Variants in SPAG16 observed in about 807,000 individuals in gnomAD.
SPAG16 encodes sperm associated antigen 16.
Under a neutral mutation model 80.4 loss-of-function variants are expected in SPAG16, and 86 were observed. That is an observed-to-expected ratio of 1.07 (90% CI 0.90 to 1.28). SPAG16 has a LOEUF of 1.28. Ranked by LOEUF, SPAG16 falls within the 50% of genes most tolerant of loss-of-function variation. SPAG16 has a pLI of 0.00. For missense variants in SPAG16, 870 were observed against 765.3 expected (o/e 1.14, Z -1.61); for synonymous variants, 294 against 265.9 (o/e 1.11, Z -1.03).
chr2:213,796,701 A>G (rs1257172433), intron 10 of SPAG16, among the ~76,000 whole-genome samples: 1 of 152,200 alleles, frequency 6.6e-6, no homozygotes, highest in African/African-American at 2.4e-5. Context: ...CTGCACTTCT[A>G]ATCATAAAAA....
chr2:213,646,017 T>TTTCTG, intron 10 of SPAG16, among the ~76,000 whole-genome samples: 1 of 152,252 alleles, frequency 6.6e-6, no homozygotes, highest in South Asian at 2.1e-4. Flanking sequence ...TCAGTTTTCT[T>TTTCTG]TTCTGTTCTA....
chr2:214,404,599 A>G (rs902609979), intron 15 of SPAG16, among the ~76,000 whole-genome samples: 1 of 152,168 alleles, frequency 6.6e-6, no homozygotes, highest in Admixed American at 6.6e-5. Flanking sequence ...TAGTGTCTTT[A>G]AAAAAAGGAT....
At chr2:214,188,462 C>T (rs2057549599) in intron 15 of SPAG16, among the ~76,000 whole-genome samples, 1 of 152,172 alleles carries the variant, frequency 6.6e-6, no homozygotes, top group African/African-American at 2.4e-5. Flanking sequence ...ATTCTTCAAA[C>T]CATAAATTAA....
chr2:214,385,701 G>A (rs1021272172), intron 15 of SPAG16, among the ~76,000 whole-genome samples: 15 of 152,080 alleles, frequency 9.9e-5, no homozygotes, highest in Non-Finnish European at 1.9e-4. Flanking sequence ...AAAATTAGCC[G>A]GGTGTGGTGG....
intron 15 of SPAG16, among the ~76,000 whole-genome samples, chr2:214,355,453 C>A (rs1698718765): frequency 6.9e-6 from 1 of 144,716 alleles, no homozygotes; most frequent in African/African-American, 2.5e-5. Context: ...CAGAGAAATG[C>A]AAATCAAAAC....
At chr2:213,894,987 C>CAAAAAAAAAAAA (rs71063793) in intron 11 of SPAG16, among the ~76,000 whole-genome samples, 1 of 49,304 alleles carries the variant, frequency 2.0e-5, no homozygotes, top group African/African-American at 1.2e-4. Context: ...GGCTCCATCT[C>CAAAAAAAAAAAA]AAAAAAAAAA....
At chr2:213,851,214 T>G (rs2074887940) in intron 10 of SPAG16, among the ~76,000 whole-genome samples, 1 of 152,152 alleles carries the variant, frequency 6.6e-6, no homozygotes, top group Non-Finnish European at 1.5e-5. Flanking sequence ...TTGGGTTGAA[T>G]CTATAAACTA....
intron 10 of SPAG16, among the ~76,000 whole-genome samples, chr2:213,566,866 TTTTAA>T (rs2059786855): frequency 6.6e-6 from 1 of 152,224 alleles, no homozygotes; most frequent in Non-Finnish European, 1.5e-5. Context: ...CACTGTTATA[TTTTAA>T]TAGATTGTGA....
At chr2:213,992,988 A>G (rs2046356289) in intron 12 of SPAG16, among the ~76,000 whole-genome samples, 1 of 152,220 alleles carries the variant, frequency 6.6e-6, no homozygotes, top group African/African-American at 2.4e-5. Context: ...GATGAACAAA[A>G]TACTTCAAGC....
chr2:213,945,647 G>A (rs2079418119), intron 12 of SPAG16, among the ~76,000 whole-genome samples: 2 of 151,962 alleles, frequency 1.3e-5, no homozygotes, highest in South Asian at 4.2e-4. Context: ...AATCTCTTTT[G>A]GCAACACCCT....
At chr2:213,344,811 G>T (rs1033055602) in intron 6 of SPAG16, among the ~76,000 whole-genome samples, 2 of 152,142 alleles carry the variant, frequency 1.3e-5, no homozygotes, top group Non-Finnish European at 2.9e-5. Flanking sequence ...CCAAGTCTTT[G>T]CTATTGTGAA....
chr2:213,716,515 A>T (rs2066245720), intron 10 of SPAG16, among the ~76,000 whole-genome samples: 1 of 152,332 alleles, frequency 6.6e-6, no homozygotes, highest in East Asian at 1.9e-4. Context: ...AGTAAGAAAC[A>T]TCCTTAACCA....
intron 11 of SPAG16, among the ~76,000 whole-genome samples, chr2:213,875,299 T>A (rs1183088857): frequency 6.6e-6 from 1 of 151,890 alleles, no homozygotes; most frequent in Admixed American, 6.6e-5. Context: ...ATTGAAAAAA[T>A]CTGTGAAGTA....
chr2:214,300,522 G>A (rs973264642), intron 15 of SPAG16, among the ~76,000 whole-genome samples: 1 of 151,976 alleles, frequency 6.6e-6, no homozygotes, highest in Non-Finnish European at 1.5e-5. Flanking sequence ...TTTTAAAGAA[G>A]TAAATTTGTA....
At chr2:214,181,871 G>C (rs1393197679) in intron 15 of SPAG16, among the ~76,000 whole-genome samples, 1 of 151,760 alleles carries the variant, frequency 6.6e-6, no homozygotes, top group African/African-American at 2.4e-5. Flanking sequence ...CATGCCTCTT[G>C]CATCACAGTG....
intron 9 of SPAG16, among the ~76,000 whole-genome samples, chr2:213,425,885 G>A (rs2069884059): frequency 6.6e-6 from 1 of 152,116 alleles, no homozygotes; most frequent in Admixed American, 6.5e-5. Context: ...GGGCTCCATG[G>A]AGTAATAGCT....
At chr2:214,372,354 C>T (rs1699877249) in intron 15 of SPAG16, among the ~76,000 whole-genome samples, 1 of 152,130 alleles carries the variant, frequency 6.6e-6, no homozygotes, top group Admixed American at 6.5e-5. Context: ...GTGTAAGAAA[C>T]AAGTCTCTAT....
chr2:214,248,915 A>G (rs1373778868), intron 15 of SPAG16, among the ~76,000 whole-genome samples: 3 of 152,174 alleles, frequency 2.0e-5, no homozygotes, highest in Non-Finnish European at 4.4e-5. Flanking sequence ...CTGGGAGAAG[A>G]CTGTTCTAAA....
chr2:213,903,995 A>G (rs2077329791), intron 11 of SPAG16, among the ~76,000 whole-genome samples: 1 of 152,094 alleles, frequency 6.6e-6, no homozygotes, highest in South Asian at 2.1e-4. Flanking sequence ...CAAGTTCCTC[A>G]TCTCCACCTG....
Sources: gnomAD v4.1 joint callset for allele counts (sites outside exome capture counted in the v4.1 genomes callset) on GRCh38, gnomAD v4.1.1 for gene constraint, MANE v1.5 for transcripts, NCBI Gene and HGNC (gene_info 2026-07-23, HGNC 2026-07-21) for gene names.